The following MAPK4 variants were observed in gnomAD, a reference collection of about 807,000 sequenced individuals.
MAPK4 encodes Erk3-related.
A neutral mutation model predicts 47.7 loss-of-function variants in MAPK4; 22 were observed. The observed-to-expected ratio is 0.46, with a 90% confidence interval of 0.33 to 0.66. MAPK4 has a LOEUF of 0.66. Among genes scored for constraint, MAPK4 ranks in the 30% least tolerant of loss-of-function variants. The pLI is 0.02. For missense variants in MAPK4, 736 were observed against 831.7 expected (o/e 0.88, Z 1.42); for synonymous variants, 390 against 365.7 (o/e 1.07, Z -0.76).
At chr18:50,689,344 T>C (rs1909077123) in intron 2 of MAPK4, among the ~76,000 whole-genome samples, 1 of 145,642 alleles carries the variant, frequency 6.9e-6, no homozygotes, top group African/African-American at 2.6e-5. Flanking sequence ...GAGATTGCAA[T>C]GATCCGAGAT....
rs745534670 is a variant in MAPK4 at position 50,671,889 on chromosome 18, C to CAAA, written c.546+7402_546+7404dup. Among the ~76,000 whole-genome samples, 358 of 104,210 alleles carry CAAA rather than the reference C, an allele frequency of 3.4e-3. 2 individuals carry two copies. Among genetic ancestry groups the CAAA allele is most frequent in the African/African-American group, 0.01 (299 of 28,494 alleles). The allele number at this position is 104,210 out of a possible 152,430, so 68.4% of individuals were successfully genotyped here. A position where few individuals can be genotyped will look rare whatever the true frequency, so the allele number is the denominator to read the frequency against. On this transcript the variant is annotated intron_variant, in intron 2 of 5. Transcript: ENST00000400384. ...TGGGCCACAGAGTGAGACCCTGACT[C>CAAA]AAAAAAAAAAAAAAAAAAATCATGT... is the stretch of plus-strand genomic sequence containing the variant.
At chr18:50,717,514 C>T (rs1467520139) in intron 3 of MAPK4, among the ~76,000 whole-genome samples, 2 of 152,102 alleles carry the variant, frequency 1.3e-5, no homozygotes, top group Non-Finnish European at 2.9e-5. Context: ...GTAGGATAGC[C>T]TTACCCCAGC....
rs1907495043 is a variant in MAPK4, at chr18:50,664,589, A to G, written c.546+85A>G. 9 of 1,428,504 alleles carry G rather than the reference A, an allele frequency of 6.3e-6. No individual in the cohort carries two copies. Among genetic ancestry groups the G allele is most frequent in the African/African-American group, 1.4e-5 (1 of 70,594 alleles). The allele number at this position is 1,428,504 out of a possible 1,614,324, so 88.5% of individuals were successfully genotyped here. ...GCATTCCCAAGCTATTCCTAGCTCCATGGTAGTCAGAGGACTAGAGTTAGT... is the reference window on the plus strand; with the variant it reads ...GCATTCCCAAGCTATTCCTAGCTCCGTGGTAGTCAGAGGACTAGAGTTAGT... On this transcript the variant is annotated intron_variant, in intron 2 of 5. Coordinates refer to ENST00000400384, the MANE Select transcript of MAPK4 (RefSeq NM_002747.4). This position sits in a 1 kb window ranked among gnomAD's most constrained non-coding sequence, Gnocchi z 6.0.
intron 1 of MAPK4, among the ~76,000 whole-genome samples, chr18:50,621,652 G>A (rs1437648): frequency 0.32 from 49,275 of 152,132 alleles, 8,454 homozygotes; most frequent in Non-Finnish European, 0.38. Context: ...ATCCCAGATG[G>A]TAGGAAAAAG....
chr18:50,635,184 A>G (rs1221162508), intron 1 of MAPK4, among the ~76,000 whole-genome samples: 1 of 152,104 alleles, frequency 6.6e-6, no homozygotes, highest in African/African-American at 2.4e-5. Flanking sequence ...GTATCTCCTC[A>G]TGGATGTCAA....
chr18:50,729,704 C>T lies in MAPK4; in HGVS notation c.1614C>T (p.Asp538=). ...ACGGCGGCGCCAGCCCCCAGTTCGA[C>T]CTGGACGTGTTCATCTCCCGCGCCC... The part of the protein sequence containing the change: ...PVDGGASPQF[D]LDVFISRALK... The change falls in exon 6 of 6, where the codon GAC becomes GAT. Residue 538 remains aspartate (D), a synonymous_variant. Transcript: ENST00000400384. 2 of 1,570,308 alleles carry T rather than the reference C, an allele frequency of 1.3e-6. No homozygotes were observed. The highest frequency in any genetic ancestry group is 1.7e-6 in the Non-Finnish European group (2 of 1,158,786).
chr18:50,702,385 C>G lies in MAPK4; in HGVS notation c.547-12694C>G, dbSNP rs545015414. Among the ~76,000 whole-genome samples, 11 of 152,090 alleles carry G rather than the reference C, an allele frequency of 7.2e-5. No homozygotes were observed. In the South Asian group the frequency reaches 1.2e-3, roughly 17 times the overall value. ...CCTAGGCAACATAGCAAGACCCTGT[C>G]TCTTAAAAAAATAAAGAAGCATATT... On this transcript the variant is annotated intron_variant, in intron 2 of 5. Coordinates refer to ENST00000400384, the MANE Select transcript of MAPK4 (RefSeq NM_002747.4).
At chr18:50,562,503 T>C (rs4550559) in intron 1 of MAPK4, among the ~76,000 whole-genome samples, 62,177 of 151,518 alleles carry the variant, frequency 0.41, 13,729 homozygotes, top group Non-Finnish European at 0.49. Context: ...CAGGGCCAGC[T>C]GAACCTTCCA....
intron 1 of MAPK4, among the ~76,000 whole-genome samples, chr18:50,646,560 G>T (rs942864980): frequency 2.6e-5 from 4 of 152,176 alleles, no homozygotes; most frequent in Non-Finnish European, 5.9e-5. Context: ...AGGGACGGGG[G>T]CTGCAAAGAC....
rs371265542 is a variant in MAPK4, at chr18:50,704,190, T to G, written c.547-10889T>G. On this transcript the variant is annotated intron_variant, in intron 2 of 5. Transcript: ENST00000400384. Reference sequence around the variant, plus strand: ...ATCTGTCACGCCCTCCAGACCCATCTAAGTTCTACCTCATCCCGCATCAGT... The same window carrying G: ...ATCTGTCACGCCCTCCAGACCCATCGAAGTTCTACCTCATCCCGCATCAGT... 7.2e-5 allele frequency among the ~76,000 whole-genome samples: 11 copies of G among 152,304 alleles called. 1 individual carries two copies. In the South Asian group the frequency reaches 2.1e-3, roughly 29 times the overall value.
intron 1 of MAPK4, among the ~76,000 whole-genome samples, chr18:50,603,913 G>A (rs1420268789): frequency 6.6e-6 from 1 of 152,134 alleles, no homozygotes; most frequent in Non-Finnish European, 1.5e-5. Context: ...ACTCATTGGG[G>A]CCTTTACTTG....
intron 1 of MAPK4, among the ~76,000 whole-genome samples, chr18:50,572,271 A>G (rs920198796): frequency 6.6e-6 from 1 of 152,202 alleles, no homozygotes; most frequent in Non-Finnish European, 1.5e-5. Context: ...TTTTTACACT[A>G]TGAATGAGAA....
intron 1 of MAPK4, among the ~76,000 whole-genome samples, chr18:50,602,408 T>G (rs2042548483): frequency 6.6e-6 from 1 of 152,200 alleles, no homozygotes; most frequent in South Asian, 2.1e-4. Context: ...GTTCCTTACT[T>G]GGAACATCCT....
At chr18:50,660,178 A>C (rs1156658440) in intron 1 of MAPK4, among the ~76,000 whole-genome samples, 1 of 152,256 alleles carries the variant, frequency 6.6e-6, no homozygotes, top group Admixed American at 6.5e-5. Flanking sequence ...CAGGAAAGAA[A>C]GAAACAGAAA....
chr18:50,621,696 G>C (rs1568048897), intron 1 of MAPK4, among the ~76,000 whole-genome samples: 1 of 152,228 alleles, frequency 6.6e-6, no homozygotes, highest in Non-Finnish European at 1.5e-5. Flanking sequence ...CTCTGAGTAA[G>C]TGCAGATGCC....
At chr18:50,721,029 G>T (rs1910910378) in intron 3 of MAPK4, among the ~76,000 whole-genome samples, 1 of 152,176 alleles carries the variant, frequency 6.6e-6, no homozygotes, top group African/African-American at 2.4e-5. Context: ...GGAAGGAGAG[G>T]TATGGCTGAA....
chr18:50,677,114 G>T (rs550212083), intron 2 of MAPK4, among the ~76,000 whole-genome samples: 3 of 152,126 alleles, frequency 2.0e-5, no homozygotes, highest in Admixed American at 2.0e-4. Context: ...TAGGTTGCAC[G>T]CTCCTTATGA....
upstream of MAPK4, among the ~76,000 whole-genome samples, chr18:50,559,790 AC>A (rs1478737026): frequency 2.0e-5 from 3 of 150,976 alleles, no homozygotes; most frequent in African/African-American, 7.3e-5. Context: ...CTGGAGCTCT[AC>A]CGCGTGTGCC....
At chr18:50,585,032 T>G (rs1258531218) in intron 1 of MAPK4, among the ~76,000 whole-genome samples, 1 of 152,242 alleles carries the variant, frequency 6.6e-6, no homozygotes, top group Non-Finnish European at 1.5e-5. Flanking sequence ...AAGGTCATTT[T>G]CCTATGTAAA....
Sources: allele counts gnomAD v4.1 joint callset (sites outside exome capture counted in the v4.1 genomes callset), GRCh38; gene constraint gnomAD v4.1.1; non-coding constraint Gnocchi (gnomAD v3.1); transcripts MANE v1.5; gene names NCBI Gene and HGNC (gene_info 2026-07-23, HGNC 2026-07-21).